MYH15: variants seen among roughly 807,000 people sequenced by gnomAD.
MYH15 encodes myosin heavy chain 15.
A neutral mutation model predicts 240.5 loss-of-function variants in MYH15; 227 were observed. That is an observed-to-expected ratio of 0.94 (90% CI 0.85 to 1.05). The LOEUF (loss-of-function observed/expected upper bound fraction) is 1.05, where lower values mean the gene tolerates loss of function less well. MYH15 is among the 50% of genes least tolerant of loss of function. The pLI is 0.00. For synonymous variants in MYH15, 785 were observed against 796.7 expected (o/e 0.99, Z 0.25); for missense variants, 2,217 against 2,247.5 (o/e 0.99, Z 0.27).
At chr3:108,520,945 G>T (rs1227457602) in intron 1 of MYH15, among the ~76,000 whole-genome samples, 1 of 152,066 alleles carries the variant, frequency 6.6e-6, no homozygotes, top group Non-Finnish European at 1.5e-5. Flanking sequence ...TAACAACCTT[G>T]TAAGATAGGG....
intron 9 of MYH15, among the ~76,000 whole-genome samples, chr3:108,486,736 C>T (rs778250362): frequency 7.2e-5 from 11 of 152,166 alleles, no homozygotes; most frequent in Non-Finnish European, 1.5e-4. Flanking sequence ...CAAGAGAAGA[C>T]AGGCTGGCAA....
chr3:108,537,761 C>T, the MYH15 span, among the ~76,000 whole-genome samples: 3 of 152,262 alleles, frequency 2.0e-5, no homozygotes, highest in South Asian at 6.2e-4. Context: ...AAGTTAACCA[C>T]TATTAATATA....
intron 31 of MYH15, among the ~76,000 whole-genome samples, chr3:108,409,586 T>G: frequency 6.6e-6 from 1 of 152,168 alleles, no homozygotes; most frequent in East Asian, 1.9e-4. Flanking sequence ...ATAGACTATG[T>G]AGGTCAACAG....
At chr3:108,424,958 G>GC (rs1191722949) in intron 27 of MYH15, among the ~76,000 whole-genome samples, 3 of 152,178 alleles carry the variant, frequency 2.0e-5, no homozygotes, top group Admixed American at 2.0e-4. Context: ...AAAAGTTGAT[G>GC]CTAGTAATTG....
At chr3:108,388,396 A>T (rs1038971568) in intron 38 of MYH15, among the ~76,000 whole-genome samples, 15 of 152,182 alleles carry the variant, frequency 9.9e-5, no homozygotes, top group Non-Finnish European at 2.2e-4. Context: ...AAGTCTGCCC[A>T]CCTCTTTTCA....
chr3:108,529,276 G>C (rs1451126750), exon 1 of MYH15: 1 of 1,596,438 alleles, frequency 6.3e-7, no homozygotes, highest in Non-Finnish European at 8.6e-7. Context: ...GATCTTTTTG[G>C]TAAGATGAGG....
intron 14 of MYH15, among the ~76,000 whole-genome samples, chr3:108,467,193 G>T (rs925414893): frequency 6.6e-6 from 1 of 151,632 alleles, no homozygotes; most frequent in Non-Finnish European, 1.5e-5. Context: ...TGACTGCTTT[G>T]CTGTGATCAA....
Position 108,413,011 on chromosome 3 carries a change from A to G in MYH15, c.4145+1221T>C, listed in dbSNP as rs182021865. On this transcript the variant is annotated intron_variant, in intron 30 of 40. Coordinates refer to ENST00000693548, the MANE Select transcript of MYH15 (RefSeq NM_014981.3). The stretch of plus-strand genomic sequence containing the variant: ...GCCCTTTATTTTCTTTAGTTATTAC[A>G]TACTACAGAACTAGTTCCAACAAAC... Among the ~76,000 whole-genome samples, 160 of 152,342 alleles carry G rather than the reference A, an allele frequency of 1.1e-3. 1 individual carries two copies. The highest frequency in any genetic ancestry group is 3.7e-3 in the African/African-American group (153 of 41,578).
At chr3:108,547,205 G>C in the MYH15 span, among the ~76,000 whole-genome samples, 1 of 151,814 alleles carries the variant, frequency 6.6e-6, no homozygotes, top group East Asian at 1.9e-4. Flanking sequence ...GTGTCACTTT[G>C]TTGCCCAGGC....
At chr3:108,538,675 CAAT>C in the MYH15 span, among the ~76,000 whole-genome samples, 124 of 152,212 alleles carry the variant, frequency 8.1e-4, no homozygotes, top group Admixed American at 5.1e-3. Flanking sequence ...GTTTTGTGGA[CAAT>C]GAGATGTGTA....
chr3:108,396,935 T>G (rs1479911451), intron 35 of MYH15, among the ~76,000 whole-genome samples: 1 of 152,192 alleles, frequency 6.6e-6, no homozygotes, highest in African/African-American at 2.4e-5. Context: ...CTTGGGATTA[T>G]CCTTCACCTT....
chr3:108,489,727 A>C (rs1036842214), intron 9 of MYH15, among the ~76,000 whole-genome samples: 1 of 152,190 alleles, frequency 6.6e-6, no homozygotes, highest in Non-Finnish European at 1.5e-5. Flanking sequence ...CATCATCCTC[A>C]TATCGTTAAG....
At chr3:108,407,374 A>AAAATAC (rs1320368209) in intron 32 of MYH15, among the ~76,000 whole-genome samples, 2 of 152,160 alleles carry the variant, frequency 1.3e-5, no homozygotes, top group Non-Finnish European at 2.9e-5. Flanking sequence ...TCAGGGCTGT[A>AAAATAC]TTTTAATGTG....
chr3:108,491,170 G>T (rs2083343954), intron 9 of MYH15, among the ~76,000 whole-genome samples: 2 of 152,118 alleles, frequency 1.3e-5, no homozygotes, highest in African/African-American at 4.8e-5. Flanking sequence ...TTACAGGTAG[G>T]AGTCACCACG....
At position 108,410,649 on chromosome 3, in the gene MYH15, T is replaced by A; in HGVS notation, c.4429A>T (p.Lys1477Ter). Residue 1477 changes from lysine (K) to a stop codon, truncating the protein, a stop_gained, in exon 31 of 41, where the codon AAG becomes TAG. Coordinates refer to ENST00000693548, the MANE Select transcript of MYH15 (RefSeq NM_014981.3). LOFTEE classifies it high-confidence loss of function. ...QALSTELLKL[K>*]NTYEESIVGQ... is the part of the protein sequence containing the mutation. ...ACGATGCTCTCCTCATAGGTGTTCT[T>A]GAGCTTGAGGAGCTCTGTACTGAGA... is the stretch of plus-strand genomic sequence containing the variant. 1 of 1,613,932 alleles carries A rather than the reference T, an allele frequency of 6.2e-7. No individual in the cohort carries two copies.
At chr3:108,408,135 T>TA (rs1428700541) in intron 32 of MYH15, 145 bp downstream of exon 32, 1 of 924,598 alleles carries the variant, frequency 1.1e-6, no homozygotes, top group African/African-American at 1.7e-5. Flanking sequence ...GTGATTATAT[T>TA]AAAATTATGC....
Position 108,470,151 on chromosome 3 carries a change from T to C in MYH15, c.1445A>G (p.Asn482Ser), listed in dbSNP as rs200523411. The change falls in exon 14 of 41, where the codon AAT becomes AGT. Residue 482 changes from asparagine (N) to serine (S), a missense_variant. By Grantham distance (46) the Asn-to-Ser change is conservative. Coordinates refer to ENST00000693548, the MANE Select transcript of MYH15 (RefSeq NM_014981.3). ...FTNEKLQQFF[N>S]WHMFVLEQEE... ...TTGCTCCAGAACAAACATGTGCCAA[T>C]TGAAGAATTGTTGTAATTTTTCATT... The C allele has an allele frequency of 3.7e-6, 6 of 1,609,034 alleles. No homozygotes were observed. Among genetic ancestry groups the C allele is most frequent in the South Asian group, 1.1e-5 (1 of 89,794 alleles).
rs2083676258 is a variant in MYH15 at position 108,526,831 on chromosome 3, GA to G, written c.-58+2431del. Among the ~76,000 whole-genome samples, 10 of 152,248 alleles carry G rather than the reference GA, an allele frequency of 6.6e-5. No homozygotes were observed. In the South Asian group the frequency reaches 2.1e-3, roughly 32 times the overall value. On this transcript the variant is annotated intron_variant, in intron 1 of 41. Transcript: ENST00000273353. ...AACATGAGTCTTGCATGTGGCTGAG[GA>G]AAAGGGTGAGGACTGGTGTTTTGGT...
In MYH15 at chr3:108,394,060, C is replaced by T; in HGVS notation, c.5230G>A (p.Glu1744Lys). Residue 1744 changes from glutamate (E) to lysine (K), a missense_variant, in exon 36 of 41, where the codon GAA becomes AAA. Physicochemically the swap from Glu to Lys is moderately conservative, Grantham distance 56. Transcript: ENST00000693548. ...ATGGCTGCCTTCTTGGCCTTCTCTT[C>T]TGCATTTTGACACTCCTGCACCACC... The part of the protein sequence containing the change: ...EEVVQECQNA[E>K]EKAKKAAIEA... The T allele has an allele frequency of 8.1e-6, 13 of 1,614,134 alleles. No homozygotes were observed. Among genetic ancestry groups the T allele is most frequent in the Non-Finnish European group, 1.1e-5 (13 of 1,179,998 alleles).
Sources: gnomAD v4.1 joint callset for allele counts (sites outside exome capture counted in the v4.1 genomes callset) on GRCh38, gnomAD v4.1.1 for gene constraint, MANE v1.5 for transcripts, NCBI Gene and HGNC (gene_info 2026-07-23, HGNC 2026-07-21) for gene names.